The following RAB38 variants were observed in gnomAD, a reference collection of about 807,000 sequenced individuals.
RAB38 encodes the protein ras-related protein Rab-38.
A neutral mutation model predicts 18.4 loss-of-function variants in RAB38; 15 were observed. The observed-to-expected ratio is 0.82, with a 90% CI of 0.55 to 1.26. The LOEUF is 1.26. RAB38 is among the 50% of genes most tolerant of loss of function. The pLI, the probability that RAB38 is intolerant of heterozygous loss-of-function variation, is 0.00. For synonymous variants in RAB38, 101 were observed against 104.4 expected, an observed-to-expected ratio of 0.97 and a Z score of 0.20; for missense variants, 294 against 267.4, an observed-to-expected ratio of 1.10 and a Z score of -0.69.
the RAB38 span, among the ~76,000 whole-genome samples, chr11:87,962,925 C>A: frequency 1.3e-5 from 2 of 151,858 alleles, no homozygotes; most frequent in Non-Finnish European, 2.9e-5. Flanking sequence ...AAAATGTGTA[C>A]AATTATTTGT....
At chr11:87,974,925 A>C in the RAB38 span, among the ~76,000 whole-genome samples, 4 of 152,004 alleles carry the variant, frequency 2.6e-5, no homozygotes, top group Middle Eastern at 3.2e-3. Flanking sequence ...TGGGTGGCTT[A>C]ACACAACAGA....
At chr11:87,814,172 T>A in the RAB38 span, among the ~76,000 whole-genome samples, 2 of 152,160 alleles carry the variant, frequency 1.3e-5, no homozygotes, top group African/African-American at 4.8e-5. Flanking sequence ...CCGAGTGGGA[T>A]GATGATTTCA....
chr11:88,126,208 T>C lies in RAB38; in HGVS notation c.484-12068A>G, dbSNP rs1942692764. Among the ~76,000 whole-genome samples, 10 of 152,320 alleles carry C rather than the reference T, an allele frequency of 6.6e-5. No homozygotes were observed. In the South Asian group the frequency reaches 2.1e-3, roughly 32 times the overall value. ...TGACTTGGCAATGCGGGCTCTTTTT[T>C]GGTTCCATATGAACTTTAAAGTGGT... is the stretch of plus-strand genomic sequence containing the variant. On this transcript the variant is annotated intron_variant, in intron 2 of 2. Coordinates refer to ENST00000243662, the MANE Select transcript of RAB38 (RefSeq NM_022337.3).
chr11:88,122,600 C>T (rs2134781465), intron 2 of RAB38, among the ~76,000 whole-genome samples: 1 of 152,326 alleles, frequency 6.6e-6, no homozygotes, highest in South Asian at 2.1e-4. Context: ...TACATAATCT[C>T]ATTTAACCCT....
chr11:87,958,827 C>G, the RAB38 span, among the ~76,000 whole-genome samples: 1 of 152,108 alleles, frequency 6.6e-6, no homozygotes, highest in Non-Finnish European at 1.5e-5. Context: ...GTGACATATG[C>G]AAATCCTGTA....
chr11:88,044,694 TC>T, the RAB38 span, among the ~76,000 whole-genome samples: 11 of 152,102 alleles, frequency 7.2e-5, no homozygotes, highest in African/African-American at 2.7e-4. Flanking sequence ...TAGTCTCTGT[TC>T]CCAATGCGAC....
chr11:88,091,521 C>G, the RAB38 span, among the ~76,000 whole-genome samples: 1 of 152,020 alleles, frequency 6.6e-6, no homozygotes, highest in Admixed American at 6.6e-5. Context: ...CGCCATCTCA[C>G]CAATCACCAC....
chr11:87,844,195 A>T, the RAB38 span, among the ~76,000 whole-genome samples: 1 of 152,204 alleles, frequency 6.6e-6, no homozygotes, highest in Admixed American at 6.5e-5. Flanking sequence ...AAATAATCCT[A>T]TGAAATAAAT....
the RAB38 span, among the ~76,000 whole-genome samples, chr11:87,977,362 AT>A: frequency 2.6e-5 from 3 of 114,922 alleles, no homozygotes; most frequent in Non-Finnish European, 5.0e-5. Flanking sequence ...ATATAAGTAT[AT>A]TATAAAATTA....
the RAB38 span, among the ~76,000 whole-genome samples, chr11:87,904,501 G>C: frequency 6.6e-6 from 1 of 151,698 alleles, no homozygotes; most frequent in Non-Finnish European, 1.5e-5. Flanking sequence ...ACTGATGGGT[G>C]CCTTGGTTGT....
chr11:88,026,731 T>A, the RAB38 span, among the ~76,000 whole-genome samples: 1 of 151,026 alleles, frequency 6.6e-6, no homozygotes. Flanking sequence ...GAATGACAAC[T>A]AGTAAATGCA....
the RAB38 span, among the ~76,000 whole-genome samples, chr11:87,927,280 C>G: frequency 6.6e-6 from 1 of 152,018 alleles, no homozygotes; most frequent in Admixed American, 6.6e-5. Flanking sequence ...GGAGCATTAA[C>G]AGAGCTGGTG....
chr11:88,134,532 A>G (rs1942809376), intron 2 of RAB38, among the ~76,000 whole-genome samples: 1 of 152,178 alleles, frequency 6.6e-6, no homozygotes, highest in African/African-American at 2.4e-5. Flanking sequence ...CGTGAGCCAC[A>G]TCACCTGGCC....
the RAB38 span, among the ~76,000 whole-genome samples, chr11:87,956,743 T>A: frequency 6.6e-6 from 1 of 152,076 alleles, no homozygotes; most frequent in African/African-American, 2.4e-5. Context: ...TTTTTTTTAA[T>A]CTACCTTAAC....
chr11:87,972,036 A>T, the RAB38 span, among the ~76,000 whole-genome samples: 2 of 152,054 alleles, frequency 1.3e-5, no homozygotes, highest in African/African-American at 4.8e-5. Flanking sequence ...AGCTGTACAC[A>T]GAAGATGGAA....
the RAB38 span, among the ~76,000 whole-genome samples, chr11:87,968,971 G>A: frequency 5.3e-5 from 8 of 152,036 alleles, no homozygotes; most frequent in East Asian, 3.9e-4. Flanking sequence ...TTGGGTGCTC[G>A]TTACACTAAA....
chr11:87,834,442 C>A, the RAB38 span, among the ~76,000 whole-genome samples: 4 of 152,164 alleles, frequency 2.6e-5, no homozygotes, highest in African/African-American at 9.7e-5. Context: ...TTTTAAGCTA[C>A]AGCGTTTGTT....
the RAB38 span, among the ~76,000 whole-genome samples, chr11:88,107,480 G>C: frequency 1.3e-5 from 2 of 151,770 alleles, no homozygotes; most frequent in Non-Finnish European, 2.9e-5. Flanking sequence ...TTATGTTTTA[G>C]CACTATACTA....
the RAB38 span, among the ~76,000 whole-genome samples, chr11:88,005,285 T>C: frequency 1.7e-4 from 26 of 151,402 alleles, no homozygotes; most frequent in African/African-American, 6.0e-4. Context: ...AAGGTAGACA[T>C]ACAGATTAGT....
Sources: allele counts gnomAD v4.1 joint callset (sites outside exome capture counted in the v4.1 genomes callset), GRCh38; gene constraint gnomAD v4.1.1; transcripts MANE v1.5; gene names NCBI Gene and HGNC (gene_info 2026-07-23, HGNC 2026-07-21).